The following PRKN variants were observed in gnomAD, a reference collection of about 807,000 sequenced individuals.
PRKN encodes parkin RBR E3 ubiquitin protein ligase, also known as E3 ubiquitin-protein ligase parkin.
In PRKN, 56 loss-of-function variants were observed where a neutral mutation model predicts 59.5. That is an observed-to-expected ratio of 0.94 (90% CI 0.76 to 1.18). PRKN has a LOEUF of 1.18. PRKN is among the 50% of genes most tolerant of loss of function. The pLI is 0.00. For missense variants in PRKN, 657 were observed against 596.4 expected (o/e 1.10, Z -1.06); for synonymous variants, 250 against 222.1 (o/e 1.13, Z -1.12).
chr6:161,590,567 T>C (rs949602802), intron 7 of PRKN, among the ~76,000 whole-genome samples: 4 of 152,068 alleles, frequency 2.6e-5, no homozygotes, highest in Admixed American at 6.5e-5. Flanking sequence ...ACCCCATCTT[T>C]ACTAAAAATA....
At chr6:162,447,099 G>C (rs1790351925) in intron 1 of PRKN, among the ~76,000 whole-genome samples, 1 of 152,158 alleles carries the variant, frequency 6.6e-6, no homozygotes, top group African/African-American at 2.4e-5. Context: ...GGATGTATTA[G>C]AAAATCTCAG....
chr6:162,057,663 CT>C (rs1160531783), intron 4 of PRKN, among the ~76,000 whole-genome samples: 1 of 152,194 alleles, frequency 6.6e-6, no homozygotes, highest in Non-Finnish European at 1.5e-5. Flanking sequence ...GAGGACCTTT[CT>C]TACTCCTATA....
chr6:161,726,990 A>C (rs1163564370), intron 7 of PRKN, among the ~76,000 whole-genome samples: 1 of 152,148 alleles, frequency 6.6e-6, no homozygotes, highest in African/African-American at 2.4e-5. Flanking sequence ...AAACAGGGGA[A>C]AGACCCTGAC....
chr6:161,864,111 G>T (rs1794015948), intron 6 of PRKN, among the ~76,000 whole-genome samples: 1 of 152,118 alleles, frequency 6.6e-6, no homozygotes, highest in Non-Finnish European at 1.5e-5. Context: ...CGAAGACAAA[G>T]TTGGCCCCAT....
At chr6:162,463,373 T>C (rs1246591874) in intron 1 of PRKN, among the ~76,000 whole-genome samples, 1 of 152,144 alleles carries the variant, frequency 6.6e-6, no homozygotes. Context: ...GAGATTATTC[T>C]CCATGGGTCT....
In PRKN at chr6:161,397,474, G is replaced by A. The variant is rs1029870048; in HGVS notation, c.1084-10597C>T. ...CCCTTCACATTTGCCCCTTCAGGGA[G>A]CATTCTAACATCAAGCTTAATTGAC... is the stretch of plus-strand genomic sequence containing the variant. On this transcript the variant is annotated intron_variant, in intron 9 of 11. Coordinates refer to ENST00000366898, the MANE Select transcript of PRKN (RefSeq NM_004562.3). This position sits in a 1 kb window ranked among gnomAD's most constrained non-coding sequence, Gnocchi z 4.2. 7.2e-5 allele frequency among the ~76,000 whole-genome samples: 11 copies of A among 152,172 alleles called. No individual in the cohort carries two copies. Among genetic ancestry groups the A allele is most frequent in the East Asian group, 1.9e-4 (1 of 5,204 alleles).
chr6:161,580,446 T>C (rs564029580), intron 7 of PRKN, among the ~76,000 whole-genome samples: 2 of 152,250 alleles, frequency 1.3e-5, no homozygotes, highest in East Asian at 3.9e-4. Context: ...CACACTTACA[T>C]AAGAAATTCA....
chr6:162,209,444 T>C (rs936552338), intron 3 of PRKN, among the ~76,000 whole-genome samples: 1 of 152,058 alleles, frequency 6.6e-6, no homozygotes, highest in Non-Finnish European at 1.5e-5. Context: ...CACTAAAAAG[T>C]CAGAAAACAA....
chr6:162,456,314 GATTT>G (rs1037183043), intron 1 of PRKN, among the ~76,000 whole-genome samples: 16 of 152,000 alleles, frequency 1.1e-4, no homozygotes, highest in African/African-American at 3.6e-4. Flanking sequence ...CTAATTAAGG[GATTT>G]ATTTCTAATA....
intron 6 of PRKN, among the ~76,000 whole-genome samples, chr6:161,941,681 T>C (rs1484308147): frequency 3.3e-5 from 5 of 152,106 alleles, no homozygotes; most frequent in Non-Finnish European, 7.4e-5. Context: ...GCTGTAAACA[T>C]TCACCCCTAG....
In PRKN at chr6:161,376,352, C is replaced by T. The variant is rs1785701129; in HGVS notation, c.1167+10442G>A. ...ACTGAACCCCTAGCTGAGATGTCCA[C>T]AATGAATGTGTGTCTCCCCGAACAA... On this transcript the variant is annotated intron_variant, in intron 10 of 11. Transcript: ENST00000366898. The surrounding 1 kb of genome is among the most constrained non-coding windows in gnomAD (Gnocchi z 7.3). Among the ~76,000 whole-genome samples the T allele has an allele frequency of 6.6e-6, 1 of 152,208 alleles. No individual in the cohort carries two copies. The highest frequency in any genetic ancestry group is 1.5e-5 in the Non-Finnish European group (1 of 68,040).
chr6:161,620,345 T>C (rs1299744265), intron 7 of PRKN, among the ~76,000 whole-genome samples: 3 of 152,102 alleles, frequency 2.0e-5, no homozygotes, highest in Non-Finnish European at 4.4e-5. Flanking sequence ...TTTAGATCCT[T>C]GACTCCCACG....
chr6:161,630,795 G>A (rs77172450), intron 7 of PRKN, among the ~76,000 whole-genome samples: 4,788 of 152,228 alleles, frequency 0.031, 125 homozygotes, highest in South Asian at 0.073. Context: ...AAAAAGACAC[G>A]TGGTTCTCTG....
intron 1 of PRKN, among the ~76,000 whole-genome samples, chr6:162,494,511 T>G (rs1382537960): frequency 6.6e-6 from 1 of 152,180 alleles, no homozygotes; most frequent in Non-Finnish European, 1.5e-5. Context: ...GCATCCAATG[T>G]GAGACAACAG....
At chr6:161,708,821 C>T (rs151186802) in intron 7 of PRKN, among the ~76,000 whole-genome samples, 1 of 152,240 alleles carries the variant, frequency 6.6e-6, no homozygotes, top group Non-Finnish European at 1.5e-5. Flanking sequence ...CACATGGCTA[C>T]GAATAATGTT....
At chr6:162,317,427 T>C (rs1240306671) in intron 2 of PRKN, among the ~76,000 whole-genome samples, 2 of 152,138 alleles carry the variant, frequency 1.3e-5, no homozygotes, top group Non-Finnish European at 2.9e-5. Flanking sequence ...TCTCCAGGCA[T>C]GTGGAGGTGT....
chr6:161,848,107 T>A (rs1404481560), intron 6 of PRKN, among the ~76,000 whole-genome samples: 3 of 152,240 alleles, frequency 2.0e-5, no homozygotes, highest in African/African-American at 4.8e-5. Context: ...GGATGTCAGG[T>A]ACCGCCTCTT....
chr6:162,239,556 C>G (rs12190340), intron 3 of PRKN, among the ~76,000 whole-genome samples: 19,207 of 151,934 alleles, frequency 0.13, 1,338 homozygotes, highest in South Asian at 0.26. Flanking sequence ...CACGGCATCT[C>G]GGCTTCGTGG....
At chr6:161,382,837 T>C (rs1786055469) in intron 10 of PRKN, among the ~76,000 whole-genome samples, 1 of 152,218 alleles carries the variant, frequency 6.6e-6, no homozygotes, top group African/African-American at 2.4e-5. Flanking sequence ...ACAGTCTAAC[T>C]GATAGGAAAA....
Sources: allele counts gnomAD v4.1 joint callset (sites outside exome capture counted in the v4.1 genomes callset), GRCh38; gene constraint gnomAD v4.1.1; non-coding constraint Gnocchi (gnomAD v3.1); transcripts MANE v1.5; gene names NCBI Gene and HGNC (gene_info 2026-07-23, HGNC 2026-07-21).